NKAIN2: variants seen among roughly 807,000 people sequenced by gnomAD.
NKAIN2 encodes sodium/potassium-transporting ATPase subunit beta-1-interacting protein 2.
In NKAIN2, 14 loss-of-function variants were observed where a neutral mutation model predicts 32.6. The ratio of observed to expected loss-of-function variants is 0.43; its 90% CI spans 0.28 to 0.67. The LOEUF (loss-of-function observed/expected upper bound fraction) is 0.67. Ranked by LOEUF, NKAIN2 falls within the 30% of genes least tolerant of loss-of-function variation. The pLI is 0.17. For synonymous variants in NKAIN2, 80 were observed against 87.2 expected (o/e 0.92, Z 0.46); for missense variants, 198 against 258.3 (o/e 0.77, Z 1.60).
chr6:123,998,741 C>CTGTGTG (rs530702348), intron 1 of NKAIN2, among the ~76,000 whole-genome samples: 2,299 of 132,560 alleles, frequency 0.017, 35 homozygotes, highest in Non-Finnish European at 0.019. Flanking sequence ...CTCTCTCTCT[C>CTGTGTG]TCTGTGTGTG....
At chr6:124,186,237 A>G (rs1381051438) in intron 1 of NKAIN2, among the ~76,000 whole-genome samples, 5 of 151,594 alleles carry the variant, frequency 3.3e-5, no homozygotes, top group Non-Finnish European at 7.4e-5. Context: ...AAAGAGAGAG[A>G]AAGGAAAGAA....
intron 2 of NKAIN2, among the ~76,000 whole-genome samples, chr6:124,320,036 T>C (rs1238169769): frequency 6.6e-6 from 1 of 152,160 alleles, no homozygotes; most frequent in Non-Finnish European, 1.5e-5. Context: ...AAGAGCCATC[T>C]GGCTTGTGGT....
intron 1 of NKAIN2, among the ~76,000 whole-genome samples, chr6:124,008,357 A>G (rs1171702974): frequency 6.6e-6 from 1 of 152,178 alleles, no homozygotes; most frequent in Non-Finnish European, 1.5e-5. Flanking sequence ...TTCAAGGGGA[A>G]CCAGATAATC....
At chr6:124,459,513 G>C (rs1022690537) in intron 3 of NKAIN2, among the ~76,000 whole-genome samples, 1 of 151,770 alleles carries the variant, frequency 6.6e-6, no homozygotes, top group South Asian at 2.1e-4. Flanking sequence ...AGCTGAAAGA[G>C]GATAGAAAAA....
chr6:124,576,950 C>T (rs922015997), intron 3 of NKAIN2, among the ~76,000 whole-genome samples: 12 of 152,196 alleles, frequency 7.9e-5, no homozygotes, highest in Non-Finnish European at 1.3e-4. Context: ...AAGCACAATC[C>T]GTTTGTTAAA....
At chr6:124,235,750 G>A (rs1338521982) in intron 1 of NKAIN2, among the ~76,000 whole-genome samples, 2 of 151,354 alleles carry the variant, frequency 1.3e-5, no homozygotes, top group African/African-American at 4.8e-5. Context: ...AGGCACCCGT[G>A]ACCACTCCCA....
At chr6:124,437,674 A>C (rs1356195841) in intron 3 of NKAIN2, among the ~76,000 whole-genome samples, 1 of 152,142 alleles carries the variant, frequency 6.6e-6, no homozygotes, top group Non-Finnish European at 1.5e-5. Flanking sequence ...AATCCTAGAA[A>C]CTTAGAATAG....
At position 124,759,346 on chromosome 6, in the gene NKAIN2, A is replaced by G. The variant is rs139092897; in HGVS notation, c.475-31993A>G. On this transcript the variant is annotated intron_variant, in intron 4 of 6. Coordinates refer to ENST00000368417, the MANE Select transcript of NKAIN2 (RefSeq NM_001040214.3). Reference sequence around the variant, plus strand: ...CTAACATGCATTGACAAATTTTTCTAAGCCACCAATTCTTACCAAGAGTTT... The same window carrying G: ...CTAACATGCATTGACAAATTTTTCTGAGCCACCAATTCTTACCAAGAGTTT... 5.5e-3 allele frequency among the ~76,000 whole-genome samples: 841 copies of G among 152,264 alleles called. 6 individuals are homozygous for G. The highest frequency in any genetic ancestry group is 0.019 in the African/African-American group (810 of 41,566).
intron 3 of NKAIN2, among the ~76,000 whole-genome samples, chr6:124,364,182 AG>A (rs1223925617): frequency 2.0e-5 from 3 of 151,322 alleles, no homozygotes; most frequent in African/African-American, 7.3e-5. Flanking sequence ...AAGGAACTTG[AG>A]AAATAATTGA....
At chr6:123,838,207 C>T (rs1774711442) in intron 1 of NKAIN2, among the ~76,000 whole-genome samples, 1 of 152,070 alleles carries the variant, frequency 6.6e-6, no homozygotes, top group Non-Finnish European at 1.5e-5. Flanking sequence ...TGAAATAAGA[C>T]AAATACGATG....
intron 3 of NKAIN2, among the ~76,000 whole-genome samples, chr6:124,364,459 G>A (rs1324419715): frequency 6.6e-6 from 1 of 151,918 alleles, no homozygotes; most frequent in Admixed American, 6.6e-5. Context: ...CCAGATTTAG[G>A]TATAGATGAA....
chr6:124,463,959 C>A (rs942227744), intron 3 of NKAIN2, among the ~76,000 whole-genome samples: 1 of 151,970 alleles, frequency 6.6e-6, no homozygotes. Context: ...TGCAGGAAAT[C>A]ATTTGAATGG....
chr6:124,400,740 A>G (rs1773590657), intron 3 of NKAIN2, among the ~76,000 whole-genome samples: 1 of 152,190 alleles, frequency 6.6e-6, no homozygotes, highest in African/African-American at 2.4e-5. Flanking sequence ...CAGAAGTATG[A>G]AAATGTGCAT....
rs9388333 is a variant in NKAIN2 at position 124,415,003 on chromosome 6, C to T, written c.273+59656C>T. Among the ~76,000 whole-genome samples the T allele has an allele frequency of 7.2e-5, 11 of 151,800 alleles. No homozygotes were observed. In the East Asian group the frequency reaches 1.7e-3, roughly 24 times the overall value. ...AAAAAACTCAAATTGCTTTTTCTAT[C>T]GTCTCACTCAACAATAGTCAACACA... On this transcript the variant is annotated intron_variant, in intron 3 of 6. Transcript: ENST00000368417.
chr6:124,755,540 A>G (rs993364993), intron 4 of NKAIN2, among the ~76,000 whole-genome samples: 2 of 152,196 alleles, frequency 1.3e-5, no homozygotes, highest in Non-Finnish European at 2.9e-5. Flanking sequence ...ATAAAAAAGA[A>G]TGAGATTATG....
chr6:124,286,642 T>TTGTGTGTG (rs56396833), intron 2 of NKAIN2, among the ~76,000 whole-genome samples: 10,076 of 144,432 alleles, frequency 0.07, 975 homozygotes, highest in African/African-American at 0.23. Context: ...GTTTGGAAAA[T>TTGTGTGTG]TGTGTGTGTG....
chr6:124,337,249 C>G (rs1239381422), intron 2 of NKAIN2, among the ~76,000 whole-genome samples: 4 of 152,134 alleles, frequency 2.6e-5, no homozygotes, highest in Non-Finnish European at 4.4e-5. Flanking sequence ...GTAATCCCAT[C>G]ACATTGGGAG....
intron 3 of NKAIN2, among the ~76,000 whole-genome samples, chr6:124,374,065 A>C (rs62434747): frequency 0.045 from 6,788 of 152,220 alleles, 218 homozygotes; most frequent in Non-Finnish European, 0.069. Context: ...GAGTGGGAGC[A>C]AAATTCTTGA....
intron 4 of NKAIN2, among the ~76,000 whole-genome samples, chr6:124,685,609 T>C (rs1182528644): frequency 1.3e-5 from 2 of 152,170 alleles, no homozygotes; most frequent in Non-Finnish European, 2.9e-5. Context: ...AAAAATTCTA[T>C]ATTGGCTATA....
Sources: gnomAD v4.1 joint callset for allele counts (sites outside exome capture counted in the v4.1 genomes callset) on GRCh38, gnomAD v4.1.1 for gene constraint, MANE v1.5 for transcripts, NCBI Gene and HGNC (gene_info 2026-07-23, HGNC 2026-07-21) for gene names.